The following GALNT2 variants were observed in gnomAD, a reference collection of about 807,000 sequenced individuals.
GALNT2 encodes the protein polypeptide N-acetylgalactosaminyltransferase 2, also known as UDP-GalNAc:polypeptide N-acetylgalactosaminyltransferase 2.
Under a neutral mutation model 81.4 loss-of-function variants are expected in GALNT2, and 31 were observed. The observed-to-expected ratio is 0.38, with a 90% CI of 0.29 to 0.51. The LOEUF (loss-of-function observed/expected upper bound fraction) is 0.51, where lower values mean the gene tolerates loss of function less well. Among genes scored for constraint, GALNT2 ranks in the 20% least tolerant of loss-of-function variants. The probability of loss-of-function intolerance (pLI) is 0.87; values close to 1 mark genes in which losing one functional copy is unlikely to be tolerated. For missense variants in GALNT2, 629 were observed against 765.7 expected (o/e 0.82, Z 2.11); for synonymous variants, 303 against 287.4 (o/e 1.05, Z -0.55).
chr1:230,260,425 A>G (rs1665841877), intron 11 of GALNT2, among the ~76,000 whole-genome samples: 1 of 152,202 alleles, frequency 6.6e-6, no homozygotes. Flanking sequence ...TTCTATTACA[A>G]AGACAGAAAA....
chr1:230,158,968 C>T (rs4846913), intron 1 of GALNT2, among the ~76,000 whole-genome samples: 1 of 152,026 alleles, frequency 6.6e-6, no homozygotes, highest in Non-Finnish European at 1.5e-5. Context: ...GTGGCCTCTG[C>T]AGCAATTTAT....
rs535688222 is a variant in GALNT2 at position 230,251,747 on chromosome 1, C to T, written c.1009+1187C>T. On this transcript the variant is annotated intron_variant, in intron 10 of 15. Coordinates refer to ENST00000366672, the MANE Select transcript of GALNT2 (RefSeq NM_004481.5). ...AGGCCAGGGTCGCCCAGTAGGGCAG[C>T]GTATCGTGTAGGTGGCCATTTCTCA... Among the ~76,000 whole-genome samples, 223 of 152,188 alleles carry T rather than the reference C, an allele frequency of 1.5e-3. 2 individuals carry two copies. Among genetic ancestry groups the T allele is most frequent in the Middle Eastern group, 3.4e-3 (1 of 294 alleles).
chr1:230,148,109 C>T (rs1193145993), intron 1 of GALNT2, among the ~76,000 whole-genome samples: 1 of 152,010 alleles, frequency 6.6e-6, no homozygotes, highest in Non-Finnish European at 1.5e-5. Context: ...TCCCACTTGC[C>T]CACACTCTTC....
intron 1 of GALNT2, among the ~76,000 whole-genome samples, chr1:230,106,069 TA>T (rs1660535170): frequency 6.6e-6 from 1 of 152,246 alleles, no homozygotes; most frequent in Admixed American, 6.5e-5. Context: ...AGTTGCATAT[TA>T]ACCACTTGGT....
chr1:230,121,655 T>C (rs1227755667), intron 1 of GALNT2, among the ~76,000 whole-genome samples: 2 of 152,154 alleles, frequency 1.3e-5, no homozygotes, highest in Admixed American at 6.5e-5. Flanking sequence ...TAGGTTGCCA[T>C]CATCATAAGC....
chr1:230,116,292 C>T (rs1301114167), intron 1 of GALNT2, among the ~76,000 whole-genome samples: 1 of 152,030 alleles, frequency 6.6e-6, no homozygotes, highest in Non-Finnish European at 1.5e-5. Flanking sequence ...TGCAGTGGCA[C>T]GATCTCGGCT....
At chr1:230,184,282 A>G (rs2748116) in intron 2 of GALNT2, among the ~76,000 whole-genome samples, 61,529 of 151,010 alleles carry the variant, frequency 0.41, 13,234 homozygotes, top group East Asian at 0.7. Context: ...TCTGCCTTCT[A>G]GGTTCATGCC....
intron 1 of GALNT2, among the ~76,000 whole-genome samples, chr1:230,101,451 C>T (rs1404681065): frequency 6.6e-6 from 1 of 152,248 alleles, no homozygotes; most frequent in Non-Finnish European, 1.5e-5. Flanking sequence ...TCAGTTTTCC[C>T]ACCCCTGAGC....
intron 1 of GALNT2, among the ~76,000 whole-genome samples, chr1:230,072,250 A>G (rs574365020): frequency 2.0e-5 from 3 of 151,526 alleles, no homozygotes; most frequent in African/African-American, 7.3e-5. Context: ...GGGAGAGGGA[A>G]GTCAGTTTGG....
intron 1 of GALNT2, among the ~76,000 whole-genome samples, chr1:230,133,599 G>A (rs983815782): frequency 2.6e-5 from 4 of 151,860 alleles, no homozygotes; most frequent in East Asian, 3.9e-4. Flanking sequence ...GATTATAGGC[G>A]CCCGCCACCG....
intron 1 of GALNT2, among the ~76,000 whole-genome samples, chr1:230,174,622 C>T (rs953076241): frequency 4.6e-5 from 7 of 152,150 alleles, no homozygotes; most frequent in African/African-American, 1.4e-4. Context: ...CCTCCTGCTG[C>T]ATTGCCAGCC....
intron 1 of GALNT2, among the ~76,000 whole-genome samples, chr1:230,091,295 T>C (rs1285322363): frequency 3.3e-5 from 5 of 152,048 alleles, no homozygotes; most frequent in Non-Finnish European, 7.4e-5. Flanking sequence ...AGGATGGTCT[T>C]GATCTCCTGA....
chr1:230,187,499 T>TG (rs34612533), intron 2 of GALNT2, among the ~76,000 whole-genome samples: 26,599 of 152,050 alleles, frequency 0.17, 2,627 homozygotes, highest in East Asian at 0.34. Flanking sequence ...CGGCAGCATC[T>TG]GGGTGGGGCT....
intron 1 of GALNT2, among the ~76,000 whole-genome samples, chr1:230,171,625 C>T (rs1662796975): frequency 6.6e-6 from 1 of 152,188 alleles, no homozygotes; most frequent in African/African-American, 2.4e-5. Flanking sequence ...TTTCTGTTTT[C>T]TCCCGCAGTA....
At chr1:230,196,278 C>T (rs538435750) in intron 2 of GALNT2, among the ~76,000 whole-genome samples, 145 of 152,324 alleles carry the variant, frequency 9.5e-4, no homozygotes, top group African/African-American at 3.1e-3. Context: ...CAAGACCCAG[C>T]CCAAGTGCCC....
At chr1:230,147,164 AC>A (rs1436368968) in intron 1 of GALNT2, among the ~76,000 whole-genome samples, 1 of 152,182 alleles carries the variant, frequency 6.6e-6, no homozygotes, top group African/African-American at 2.4e-5. Context: ...GAGATTTCAG[AC>A]CATGATTCTC....
chr1:230,209,060 TGAAGTTG>T (rs1204986981), intron 3 of GALNT2, among the ~76,000 whole-genome samples: 1 of 150,604 alleles, frequency 6.6e-6, no homozygotes, highest in Admixed American at 6.9e-5. Context: ...AAAAGCATGT[TGAAGTTG>T]TTTTTTTGTT....
At chr1:230,102,238 A>G (rs1483694168) in intron 1 of GALNT2, among the ~76,000 whole-genome samples, 1 of 152,178 alleles carries the variant, frequency 6.6e-6, no homozygotes, top group East Asian at 1.9e-4. Flanking sequence ...GAGGGCAGGT[A>G]TGTCTTGTTC....
At chr1:230,195,820 C>CGGAGGTGAGCAGAGACCT (rs1663677263) in intron 2 of GALNT2, among the ~76,000 whole-genome samples, 1 of 151,574 alleles carries the variant, frequency 6.6e-6, no homozygotes. Flanking sequence ...CCACACAAGC[C>CGGAGGTGAGCAGAGACCT]GGAGGTGAGC....
Sources: gnomAD v4.1 joint callset for allele counts (sites outside exome capture counted in the v4.1 genomes callset) on GRCh38, gnomAD v4.1.1 for gene constraint, MANE v1.5 for transcripts, NCBI Gene and HGNC (gene_info 2026-07-23, HGNC 2026-07-21) for gene names.